UBE2D3: variants seen among roughly 807,000 people sequenced by gnomAD.
UBE2D3 encodes ubiquitin-conjugating enzyme E2 D3.
In UBE2D3, 2 loss-of-function variants were observed where a neutral mutation model predicts 22.8. The observed-to-expected ratio is 0.09, with a 90% CI of 0.04 to 0.28. The LOEUF (loss-of-function observed/expected upper bound fraction) is 0.28. UBE2D3 is among the 10% of genes least tolerant of loss of function. The pLI is 1.00. For missense variants in UBE2D3, 27 were observed against 182.5 expected (o/e 0.15, Z 4.91); for synonymous variants, 56 against 60.4 (o/e 0.93, Z 0.34).
In UBE2D3 at chr4:102,796,191, G is replaced by T. The variant is rs1335757521; in HGVS notation, c.*1224C>A. 2.0e-5 allele frequency: 3 copies of T among 151,798 alleles called. No homozygotes were observed. Among genetic ancestry groups the T allele is most frequent in the Admixed American group, 1.3e-4 (2 of 15,142 alleles). 9.4% of individuals were successfully genotyped at this position (151,798 alleles called of 1,614,324 possible). On this transcript the variant is annotated 3_prime_UTR_variant, in exon 8 of 8. Coordinates refer to ENST00000453744, the MANE Select transcript of UBE2D3 (RefSeq NM_181891.3). ...TTTGACCCATTATTACTCCCATGTT[G>T]TTTTTTTTCAGCTGTCAAGTGTACA...
intron 1 of UBE2D3, among the ~76,000 whole-genome samples, chr4:102,852,964 A>G (rs1269100363): frequency 6.6e-6 from 1 of 152,030 alleles, no homozygotes; most frequent in Non-Finnish European, 1.5e-5. Flanking sequence ...GACAAGAGAA[A>G]TGCATAGTAA....
At position 102,819,044 on chromosome 4, in the gene UBE2D3, T is replaced by TCC. The variant is rs575200293; in HGVS notation, c.24+7439_24+7440dup. 5.5e-3 allele frequency among the ~76,000 whole-genome samples: 838 copies of TCC among 152,226 alleles called. 4 individuals carry two copies. The highest frequency in any genetic ancestry group is 9.1e-3 in the Non-Finnish European group (617 of 68,006). On this transcript the variant is annotated intron_variant, in intron 2 of 7. Transcript: ENST00000453744. Reference sequence around the variant, plus strand: ...CTAGGAGAAACATAAGAATGTCCCCTCCCTTGCTGGGCGTGGTGGCTCACG... The same window carrying TCC: ...CTAGGAGAAACATAAGAATGTCCCCTCCCCCTTGCTGGGCGTGGTGGCTCACG...
chr4:102,804,364 G>A (rs1333288804), intron 4 of UBE2D3, among the ~76,000 whole-genome samples: 1 of 151,798 alleles, frequency 6.6e-6, no homozygotes, highest in African/African-American at 2.4e-5. Context: ...GCTTCACCAT[G>A]TTGGCTGAAC....
intron 1 of UBE2D3, among the ~76,000 whole-genome samples, chr4:102,844,583 G>A (rs905625770): frequency 1.3e-5 from 2 of 152,200 alleles, no homozygotes; most frequent in African/African-American, 4.8e-5. Flanking sequence ...GCCACAGTAT[G>A]GGTCCTTCTG....
chr4:102,827,696 A>G (rs1730808185), upstream of UBE2D3: 60 of 981,960 alleles, frequency 6.1e-5, no homozygotes, highest in Non-Finnish European at 7.1e-5. Context: ...GGCCGAGTGA[A>G]TACGTGTCAA....
chr4:102,803,854 T>TGC, intron 4 of UBE2D3, among the ~76,000 whole-genome samples: 1 of 152,238 alleles, frequency 6.6e-6, no homozygotes, highest in African/African-American at 2.4e-5. Context: ...CTGCGACCTC[T>TGC]GCCTCCTGGG....
chr4:102,838,848 A>G (rs1394378029), intron 1 of UBE2D3, among the ~76,000 whole-genome samples: 3 of 151,606 alleles, frequency 2.0e-5, no homozygotes, highest in Non-Finnish European at 1.5e-5. Flanking sequence ...AAGGAAAGGC[A>G]AATAGCTCTA....
intron 2 of UBE2D3, among the ~76,000 whole-genome samples, chr4:102,817,626 C>G (rs776728133): frequency 6.6e-6 from 1 of 152,160 alleles, no homozygotes; most frequent in Non-Finnish European, 1.5e-5. Context: ...AAAAAATTCT[C>G]AACTGCACCA....
At chr4:102,805,551 A>G (rs1726895951) in intron 4 of UBE2D3, among the ~76,000 whole-genome samples, 1 of 144,482 alleles carries the variant, frequency 6.9e-6, no homozygotes, top group Admixed American at 6.9e-5. Flanking sequence ...CAGTGGTGTG[A>G]TCTCGGCTCA....
At chr4:102,804,623 A>G (rs1215206612) in intron 4 of UBE2D3, among the ~76,000 whole-genome samples, 2 of 152,192 alleles carry the variant, frequency 1.3e-5, no homozygotes, top group Non-Finnish European at 2.9e-5. Context: ...TATACAAGAT[A>G]TGTTTTTTCT....
chr4:102,806,028 T>TCAGC lies in UBE2D3; in HGVS notation c.121-3394_121-3391dup, dbSNP rs1413253024. Among the ~76,000 whole-genome samples, 5 of 152,336 alleles carry TCAGC rather than the reference T, an allele frequency of 3.3e-5. No individual in the cohort carries two copies. The East Asian group carries it at 9.6e-4, about 29-fold the overall frequency. ...ACCATCTTAGTTCATGATGTTATCT[T>TCAGC]CAGCCTAGATTATGGCAATAGCTTA... On this transcript the variant is annotated intron_variant, in intron 4 of 7. Coordinates refer to ENST00000453744, the MANE Select transcript of UBE2D3 (RefSeq NM_181891.3).
chr4:102,809,555 T>C, intron 4 of UBE2D3, 117 bp downstream of exon 4: 3 of 1,075,130 alleles, frequency 2.8e-6, no homozygotes, highest in Non-Finnish European at 4.0e-6. Flanking sequence ...AACTATGGAA[T>C]ATCCAAAATA....
chr4:102,836,141 A>ATTTTT (rs907557988), intron 1 of UBE2D3, among the ~76,000 whole-genome samples: 47 of 102,670 alleles, frequency 4.6e-4, no homozygotes, highest in African/African-American at 8.6e-4. Context: ...GTTTGTTTCC[A>ATTTTT]TTTTTTTTTT....
At chr4:102,837,767 T>C (rs62327261) in intron 1 of UBE2D3, among the ~76,000 whole-genome samples, 3 of 152,052 alleles carry the variant, frequency 2.0e-5, no homozygotes, top group African/African-American at 4.8e-5. Flanking sequence ...CTGGCTAACA[T>C]GGTGAAAACC....
chr4:102,868,810 A>G, exon 1 of UBE2D3: 1 of 1,610,952 alleles, frequency 6.2e-7, no homozygotes, highest in Non-Finnish European at 8.5e-7. Context: ...ACAGACGTTA[A>G]AGGCCCAAGA....
intron 1 of UBE2D3, among the ~76,000 whole-genome samples, chr4:102,864,057 A>G (rs369239660): frequency 1.1e-4 from 17 of 152,350 alleles, no homozygotes; most frequent in African/African-American, 3.6e-4. Context: ...AAGATGAAAT[A>G]TCATACTAAC....
At chr4:102,802,710 A>G (rs1191589150) in intron 4 of UBE2D3, 72 bp from the exon 5 acceptor site, 1 of 1,262,082 alleles carries the variant, frequency 7.9e-7, no homozygotes, top group East Asian at 2.5e-5. Context: ...ATTTGTTTCC[A>G]AGCATTTCTC....
At chr4:102,799,826 A>G (rs223435) in intron 6 of UBE2D3, among the ~76,000 whole-genome samples, 5 of 132,154 alleles carry the variant, frequency 3.8e-5, no homozygotes, top group Non-Finnish European at 8.0e-5. Flanking sequence ...CTTGGTACTC[A>G]GTGGCTGGGG....
At chr4:102,847,580 C>T in intron 1 of UBE2D3, among the ~76,000 whole-genome samples, 1 of 152,180 alleles carries the variant, frequency 6.6e-6, no homozygotes, top group Non-Finnish European at 1.5e-5. Context: ...AGCCACCGCA[C>T]CTGGTCACCA....
Sources: gnomAD v4.1 joint callset for allele counts (sites outside exome capture counted in the v4.1 genomes callset) on GRCh38, gnomAD v4.1.1 for gene constraint, MANE v1.5 for transcripts, NCBI Gene and HGNC (gene_info 2026-07-23, HGNC 2026-07-21) for gene names.